EZH2: variants seen among roughly 807,000 people sequenced by gnomAD.
EZH2 encodes histone-lysine N-methyltransferase EZH2.
In EZH2, 18 loss-of-function variants were observed where a neutral mutation model predicts 98.4. The observed-to-expected ratio is 0.18, with a 90% CI of 0.13 to 0.27. The LOEUF is 0.27. Among genes scored for constraint, EZH2 ranks in the 10% least tolerant of loss-of-function variants. The pLI is 1.00. For missense variants in EZH2, 470 were observed against 935.1 expected (o/e 0.50, Z 6.49); for synonymous variants, 338 against 312.3 (o/e 1.08, Z -0.87).
intron 4 of EZH2, among the ~76,000 whole-genome samples, chr7:148,832,268 A>G (rs1401422980): frequency 6.6e-6 from 1 of 152,152 alleles, no homozygotes; most frequent in Non-Finnish European, 1.5e-5. Flanking sequence ...TTGAGGACAC[A>G]GCGTTTTGCC....
intron 1 of EZH2, among the ~76,000 whole-genome samples, chr7:148,851,319 C>A (rs1815702505): frequency 6.6e-6 from 1 of 152,116 alleles, no homozygotes; most frequent in African/African-American, 2.4e-5. Context: ...AACTCAGTTT[C>A]CGGAATTTCT....
Position 148,807,467 on chromosome 7 carries a change from C to G in EZH2, c.*179G>C. ...AAATTCACTGGTACAAAACACTTTG[C>G]AGCTGGTGAGAAGGCAATAAAAAGT... On this transcript the variant is annotated 3_prime_UTR_variant, in exon 20 of 20. Transcript: ENST00000320356. 1.7e-6 allele frequency: 1 copy of G among 597,828 alleles called. No individual in the cohort carries two copies. The highest frequency in any genetic ancestry group is 3.0e-6 in the Non-Finnish European group (1 of 334,362). The allele number at this position is 597,828 out of a possible 1,614,324, so 37.0% of individuals were successfully genotyped here.
Position 148,816,415 on chromosome 7 carries a change from C to G in EZH2, c.1505+269G>C, listed in dbSNP as rs73471806. On this transcript the variant is annotated intron_variant, in intron 12 of 19. Coordinates refer to ENST00000320356, the MANE Select transcript of EZH2 (RefSeq NM_004456.5). ...TACGTAACCTTTACTGCAAAAGCTA[C>G]TAAATATGTTTTTCTTAACCCAAAT... Among the ~76,000 whole-genome samples the G allele has an allele frequency of 0.016, 2,489 of 152,282 alleles. 63 individuals are homozygous for G. The highest frequency in any genetic ancestry group is 0.056 in the African/African-American group (2,331 of 41,526).
At chr7:148,846,290 T>C (rs890182279) in intron 3 of EZH2, among the ~76,000 whole-genome samples, 180 bp downstream of exon 3, 4 of 152,172 alleles carry the variant, frequency 2.6e-5, no homozygotes, top group Non-Finnish European at 4.4e-5. Context: ...AGAACTCTGT[T>C]ATAGGAATAG....
At chr7:148,812,016 T>C (rs1203491926) in intron 15 of EZH2, among the ~76,000 whole-genome samples, 1 of 152,250 alleles carries the variant, frequency 6.6e-6, no homozygotes, top group Admixed American at 6.5e-5. Context: ...TGCTGCACTT[T>C]TGGCTTCCCT....
At chr7:148,811,494 C>T in intron 16 of EZH2, 131 bp downstream of exon 16, 1 of 694,016 alleles carries the variant, frequency 1.4e-6, no homozygotes, top group Non-Finnish European at 2.4e-6. Context: ...ATGCAGAAGT[C>T]CAGGCTGAAA....
chr7:148,813,221 T>TG (rs1803631206), intron 15 of EZH2, among the ~76,000 whole-genome samples: 1 of 151,810 alleles, frequency 6.6e-6, no homozygotes, highest in Non-Finnish European at 1.5e-5. Flanking sequence ...GGAGAATCAA[T>TG]GAACAAATCC....
At chr7:148,830,921 T>C (rs1158716814) in intron 4 of EZH2, among the ~76,000 whole-genome samples, 1 of 152,148 alleles carries the variant, frequency 6.6e-6, no homozygotes, top group Non-Finnish European at 1.5e-5. Context: ...CAAGTCTAAG[T>C]CTTAAGAGGC....
chr7:148,875,127 TA>T (rs899082644), intron 1 of EZH2, among the ~76,000 whole-genome samples: 3 of 152,016 alleles, frequency 2.0e-5, no homozygotes, highest in African/African-American at 4.8e-5. Flanking sequence ...CTAGTTTAAT[TA>T]AAAAAAATTA....
rs1335639903 is a variant in EZH2, at chr7:148,809,136, A to G, written c.2130T>C (p.Asp710=). 1.2e-6 allele frequency: 2 copies of G among 1,614,206 alleles called. No homozygotes were observed. Among genetic ancestry groups the G allele is most frequent in the East Asian group, 4.5e-5 (2 of 44,886 alleles). ...TCTTGGCAAAAATACCTATCCTGTG[A>G]TCACCGTTAACCATCATAACTGCAA... ...CYAKVMMVNG[D]HRIGIFAKRA... The change falls in exon 19 of 20, where the codon GAT becomes GAC. Residue 710 remains aspartate (D), a synonymous_variant. Transcript: ENST00000320356.
At chr7:148,842,211 C>G (rs965158074) in intron 3 of EZH2, among the ~76,000 whole-genome samples, 23 of 152,178 alleles carry the variant, frequency 1.5e-4, no homozygotes, top group African/African-American at 5.1e-4. Flanking sequence ...GCCCAGAAGA[C>G]AGGCACTATC....
chr7:148,879,148 C>T (rs1028221473), intron 1 of EZH2, among the ~76,000 whole-genome samples: 2 of 151,704 alleles, frequency 1.3e-5, no homozygotes, highest in Non-Finnish European at 2.9e-5. Context: ...TCGCTTGAAC[C>T]CAGGAGGCAG....
rs1306426999 is a variant in EZH2, at chr7:148,812,291, TATC to T, written c.1852-574_1852-572del. Among the ~76,000 whole-genome samples the T allele has an allele frequency of 2.6e-5, 4 of 152,210 alleles. 1 individual carries two copies. Among genetic ancestry groups the T allele is most frequent in the African/African-American group, 4.8e-5 (2 of 41,456 alleles). On this transcript the variant is annotated intron_variant, in intron 15 of 19. Transcript: ENST00000320356. ...AACACAAGAAACTACCGGGAGGTGT[TATC>T]ATGATCTTGTCAGTCCAGTAGTCTA...
At chr7:148,877,764 T>TCA (rs1347524872) in intron 1 of EZH2, among the ~76,000 whole-genome samples, 1 of 152,232 alleles carries the variant, frequency 6.6e-6, no homozygotes, top group Non-Finnish European at 1.5e-5. Flanking sequence ...GTCTAGGGTT[T>TCA]CACACTGTAC....
chr7:148,837,266 G>T (rs1297336544), intron 3 of EZH2, among the ~76,000 whole-genome samples: 1 of 152,190 alleles, frequency 6.6e-6, no homozygotes, highest in African/African-American at 2.4e-5. Flanking sequence ...CTCAGATACT[G>T]GTTGGTCCAT....
At position 148,807,609 on chromosome 7, in the gene EZH2, C is replaced by T; in HGVS notation, c.*37G>A. On this transcript the variant is annotated 3_prime_UTR_variant, in exon 20 of 20. Transcript: ENST00000320356. ...GTACTCGAGGTTCCTGAAGCTAAGG[C>T]AGCTGTTTCAGAGGAGGGGGGAGGA... The T allele has an allele frequency of 6.8e-7, 1 of 1,481,074 alleles. No individual in the cohort carries two copies. Among genetic ancestry groups the T allele is most frequent in the Non-Finnish European group, 9.0e-7 (1 of 1,111,108 alleles). 91.7% of individuals were successfully genotyped at this position (1,481,074 alleles called of 1,614,324 possible).
chr7:148,866,604 T>TATATATA (rs1054333191), intron 1 of EZH2, among the ~76,000 whole-genome samples: 2 of 127,580 alleles, frequency 1.6e-5, no homozygotes, highest in Non-Finnish European at 3.5e-5. Context: ...CACTATATAT[T>TATATATA]ATATATAATA....
chr7:148,864,860 C>T (rs1235385189), intron 1 of EZH2, among the ~76,000 whole-genome samples: 1 of 152,016 alleles, frequency 6.6e-6, no homozygotes, highest in East Asian at 1.9e-4. Flanking sequence ...GGCCAAGTGG[C>T]TCACGCCTGT....
chr7:148,870,074 T>C (rs561992628), intron 1 of EZH2, among the ~76,000 whole-genome samples: 2 of 152,290 alleles, frequency 1.3e-5, no homozygotes, highest in East Asian at 3.9e-4. Flanking sequence ...AGAATCTTCA[T>C]AGCATAACTT....
Sources: allele counts gnomAD v4.1 joint callset (sites outside exome capture counted in the v4.1 genomes callset), GRCh38; gene constraint gnomAD v4.1.1; transcripts MANE v1.5; gene names NCBI Gene and HGNC (gene_info 2026-07-23, HGNC 2026-07-21).